Variants in LMO7 observed in about 807,000 individuals in gnomAD.
LMO7 encodes the protein LIM domain 7.
A neutral mutation model predicts 206.5 loss-of-function variants in LMO7; 120 were observed. The ratio of observed to expected loss-of-function variants is 0.58; its 90% CI spans 0.50 to 0.68. The LOEUF is 0.68. LMO7 is among the 30% of genes least tolerant of loss of function. The pLI is 0.00. For synonymous variants in LMO7, 706 were observed against 681.5 expected, an observed-to-expected ratio of 1.04 and a Z score of -0.56; for missense variants, 1,959 against 1,957.9, an observed-to-expected ratio of 1.00 and a Z score of -0.01.
chr13:75,805,482 T>C lies in LMO7; in HGVS notation c.918T>C (p.Asn306=). ...YTEADGTFSS[N]QRRIWGTNVE... Reference sequence around the variant, plus strand: ...ACCGGTTGGATGTTTTGAACAGTAATCAGAGGAGGATTTGGGGCACCAATG... The same window carrying C: ...ACCGGTTGGATGTTTTGAACAGTAACCAGAGGAGGATTTGGGGCACCAATG... The change falls in exon 9 of 31, where the codon AAT becomes AAC. Residue 306 remains asparagine, a synonymous_variant. Transcript: ENST00000377534. The C allele has an allele frequency of 3.7e-6, 6 of 1,613,598 alleles. No homozygotes were observed. The highest frequency in any genetic ancestry group is 5.1e-6 in the Non-Finnish European group (6 of 1,179,620).
intron 17 of LMO7, 42 bp from the exon 18 acceptor site, chr13:75,835,191 A>G (rs371072728): frequency 1.2e-5 from 19 of 1,609,556 alleles, no homozygotes; most frequent in Non-Finnish European, 1.5e-5. Flanking sequence ...TTTATACGGC[A>G]TAAAACCCTC....
At chr13:75,769,146 G>A (rs1206693225) in intron 4 of LMO7, among the ~76,000 whole-genome samples, 1 of 152,004 alleles carries the variant, frequency 6.6e-6, no homozygotes, top group African/African-American at 2.4e-5. Context: ...ACTATCAAAT[G>A]TTAAATAGAG....
At chr13:75,631,285 G>C (rs562410536) in intron 2 of LMO7, 21 of 152,408 alleles carry the variant, frequency 1.4e-4, no homozygotes, top group African/African-American at 4.8e-4. Flanking sequence ...GCCTCCCAAA[G>C]TGCTGGGATT....
chr13:75,760,926 T>C lies in LMO7; in HGVS notation c.211-6T>C. Reference sequence around the variant, plus strand: ...CTAAGCAATCACTTTCCACTTCTTTTCACAGGATAATATAAACGTTTTCTT... The same window carrying C: ...CTAAGCAATCACTTTCCACTTCTTTCCACAGGATAATATAAACGTTTTCTT... On this transcript the variant is annotated splice_polypyrimidine_tract_variant and splice_region_variant and intron_variant, in intron 3 of 30. Transcript: ENST00000377534. 6.2e-7 allele frequency: 1 copy of C among 1,613,060 alleles called. No homozygotes were observed. Among genetic ancestry groups the C allele is most frequent in the Non-Finnish European group, 8.5e-7 (1 of 1,179,562 alleles).
At chr13:75,669,326 A>ATTTCC (rs576335560) in intron 1 of LMO7, among the ~76,000 whole-genome samples, 1 of 152,120 alleles carries the variant, frequency 6.6e-6, no homozygotes, top group Non-Finnish European at 1.5e-5. Context: ...ACCTACAAAT[A>ATTTCC]GTTAAATATT....
Position 75,823,634 on chromosome 13 carries a change from A to G in LMO7, c.2710A>G (p.Thr904Ala). 1 of 1,614,130 alleles carries G rather than the reference A, an allele frequency of 6.2e-7. No individual in the cohort carries two copies. Among genetic ancestry groups the G allele is most frequent in the Non-Finnish European group, 8.5e-7 (1 of 1,179,972 alleles). ...GAGAACTCCAAACAATGTGGTCAGC[A>G]CCCCTGCACCAAGCCCGGACGCAAG... ...IKRTPNNVVS[T>A]PAPSPDASQL... is the part of the protein sequence containing the mutation. The change falls in exon 15 of 31, where the codon ACC becomes GCC. Residue 904 changes from threonine to alanine, a missense_variant. Coordinates refer to ENST00000377534, the MANE Select transcript of LMO7 (RefSeq NM_001306080.2).
At chr13:75,670,184 G>A (rs1287277135) in intron 1 of LMO7, among the ~76,000 whole-genome samples, 1 of 152,226 alleles carries the variant, frequency 6.6e-6, no homozygotes, top group Non-Finnish European at 1.5e-5. Context: ...ATGCTAGGAT[G>A]AATTAGTATG....
chr13:75,655,282 G>A (rs1415567682), intron 1 of LMO7, among the ~76,000 whole-genome samples: 1 of 152,160 alleles, frequency 6.6e-6, no homozygotes, highest in Non-Finnish European at 1.5e-5. Context: ...TCCCTCTGAA[G>A]CGTGTAGAGT....
At chr13:75,772,309 A>G (rs1237024356) in intron 4 of LMO7, among the ~76,000 whole-genome samples, 1 of 152,118 alleles carries the variant, frequency 6.6e-6, no homozygotes, top group Non-Finnish European at 1.5e-5. Context: ...CCAAAAGAAG[A>G]CAAGCAGGGA....
At chr13:75,679,081 A>G (rs1278557282) in intron 1 of LMO7, among the ~76,000 whole-genome samples, 1 of 152,134 alleles carries the variant, frequency 6.6e-6, no homozygotes, top group Admixed American at 6.5e-5. Context: ...TCCAGAATTC[A>G]TTGTTTTTTC....
intron 1 of LMO7, among the ~76,000 whole-genome samples, chr13:75,674,800 A>G (rs1362300062): frequency 6.6e-6 from 1 of 152,230 alleles, no homozygotes; most frequent in Non-Finnish European, 1.5e-5. Context: ...TTGAAAGAGA[A>G]ATCCTGCTCA....
intron 2 of LMO7, among the ~76,000 whole-genome samples, chr13:75,626,434 AG>A (rs142453120): frequency 0.19 from 28,128 of 150,910 alleles, 3,405 homozygotes; most frequent in South Asian, 0.33. Context: ...CGAGAAAAGC[AG>A]GGGAAAAACC....
At chr13:75,654,406 T>C (rs1373171293) in intron 1 of LMO7, among the ~76,000 whole-genome samples, 1 of 152,180 alleles carries the variant, frequency 6.6e-6, no homozygotes, top group Non-Finnish European at 1.5e-5. Context: ...CTCGTTCCTT[T>C]TTCTCGTTTT....
chr13:75,636,606 A>G lies in LMO7; in HGVS notation c.-52A>G, dbSNP rs2224797. 2.6e-6 allele frequency: 4 copies of G among 1,544,874 alleles called. No individual in the cohort carries two copies. The highest frequency in any genetic ancestry group is 3.9e-5 in the Admixed American group (2 of 51,032). ...CGTGGGGCCCAGACGCGCGGGGACA[A>G]CCCCTCCCCTCCACGCATCCCGAGT... On this transcript the variant is annotated 5_prime_UTR_variant, in exon 1 of 31. Transcript: ENST00000377534.
intron 3 of LMO7, among the ~76,000 whole-genome samples, chr13:75,727,858 G>A (rs2044640047): frequency 6.8e-6 from 1 of 146,122 alleles, no homozygotes; most frequent in African/African-American, 2.5e-5. Flanking sequence ...TCCCACCTTT[G>A]AGTGAGAACA....
upstream of LMO7, chr13:75,636,293 G>C (rs973484374): frequency 9.3e-7 from 1 of 1,074,176 alleles, no homozygotes; most frequent in African/African-American, 1.7e-5. Flanking sequence ...GGGCCACCGC[G>C]GGGAGGACGG....
chr13:75,782,851 G>A (rs2051746320), intron 4 of LMO7, among the ~76,000 whole-genome samples: 1 of 152,156 alleles, frequency 6.6e-6, no homozygotes, highest in South Asian at 2.1e-4. Flanking sequence ...TTGTGATTAT[G>A]TTTAGGACCC....
At position 75,821,291 on chromosome 13, in the gene LMO7, C is replaced by T. The variant is rs373692665; in HGVS notation, c.2322C>T (p.Tyr774=). 11 of 1,613,950 alleles carry T rather than the reference C, an allele frequency of 6.8e-6. No homozygotes were observed. In the African/African-American group the frequency reaches 1.3e-4, roughly 20 times the overall value. Residue 774 remains tyrosine (Y), a synonymous_variant, in exon 14 of 31, where the codon TAC becomes TAT. Transcript: ENST00000377534. ...PPTMTVSEAS[Y]QSERVEEKGA... is the part of the protein sequence containing the mutation. ...CAATGACTGTGTCAGAAGCAAGTTA[C>T]CAGAGTGAGAGAGTAGAAGAGAAGG...
intron 3 of LMO7, among the ~76,000 whole-genome samples, chr13:75,739,240 T>C (rs866975450): frequency 3.3e-5 from 5 of 152,240 alleles, no homozygotes; most frequent in Non-Finnish European, 7.3e-5. Flanking sequence ...AGCAAAGATA[T>C]TCTAGAAAAT....
Sources: gnomAD v4.1 joint callset for allele counts (sites outside exome capture counted in the v4.1 genomes callset) on GRCh38, gnomAD v4.1.1 for gene constraint, MANE v1.5 for transcripts, NCBI Gene and HGNC (gene_info 2026-07-23, HGNC 2026-07-21) for gene names.